Variants in HAS3 observed in about 807,000 individuals in gnomAD.
The protein encoded by HAS3 is HA synthase 3.
A neutral mutation model predicts 50.3 loss-of-function variants in HAS3; 27 were observed. The observed-to-expected ratio is 0.54, with a 90% confidence interval of 0.40 to 0.74. HAS3 has a LOEUF of 0.74. Among genes scored for constraint, HAS3 ranks in the 30% least tolerant of loss-of-function variants. HAS3 has a pLI of 0.00. For missense variants in HAS3, 517 were observed against 742.8 expected, an observed-to-expected ratio of 0.70 and a Z score of 3.53; for synonymous variants, 339 against 310.9, an observed-to-expected ratio of 1.09 and a Z score of -0.95.
chr16:69,104,640 C>T (rs919902563), upstream of HAS3, among the ~76,000 whole-genome samples: 2 of 152,042 alleles, frequency 1.3e-5, no homozygotes, highest in South Asian at 2.1e-4. Context: ...GGGGAAGTCT[C>T]GCTTTGTTGC....
chr16:69,103,002 C>CGTGTGTGTGT (rs1555531811), upstream of HAS3, among the ~76,000 whole-genome samples: 32 of 115,170 alleles, frequency 2.8e-4, no homozygotes, highest in Non-Finnish European at 5.3e-4. Flanking sequence ...GTGGAGTGTG[C>CGTGTGTGTGT]ATGTGTGTGT....
chr16:69,118,240 T>C, downstream of HAS3: 1 of 654,326 alleles, frequency 1.5e-6, no homozygotes, highest in Non-Finnish European at 2.8e-6. Flanking sequence ...GCCTTAAATC[T>C]GGCCACCTCT....
At chr16:69,103,477 C>T (rs1034266834), upstream of HAS3, among the ~76,000 whole-genome samples, 1 of 152,154 alleles carries the variant, frequency 6.6e-6, no homozygotes, top group Non-Finnish European at 1.5e-5. Context: ...CTCACTGCAA[C>T]CTCTGCTTCC....
At chr16:69,096,979 A>G in the HAS3 span, among the ~76,000 whole-genome samples, 1 of 151,916 alleles carries the variant, frequency 6.6e-6, no homozygotes, top group Non-Finnish European at 1.5e-5. Flanking sequence ...AAACATGGTG[A>G]AACCCCATCT....
chr16:69,086,671 G>C, the HAS3 span, among the ~76,000 whole-genome samples: 1 of 152,056 alleles, frequency 6.6e-6, no homozygotes, highest in Non-Finnish European at 1.5e-5. Context: ...TTGGGAGGCC[G>C]AAGTGGGCAG....
At chr16:69,112,947 T>C (rs1271938556) in intron 2 of HAS3, among the ~76,000 whole-genome samples, 1 of 152,190 alleles carries the variant, frequency 6.6e-6, no homozygotes, top group Non-Finnish European at 1.5e-5. Context: ...ACTGGTCTCA[T>C]AGAGGTGCCT....
At chr16:69,102,195 C>T (rs1020684042), upstream of HAS3, among the ~76,000 whole-genome samples, 1 of 152,204 alleles carries the variant, frequency 6.6e-6, no homozygotes, top group Non-Finnish European at 1.5e-5. Flanking sequence ...CAGAGCAGGG[C>T]TTCAGCGTTT....
At chr16:69,094,980 C>CTTTTTT in the HAS3 span, among the ~76,000 whole-genome samples, 5 of 124,930 alleles carry the variant, frequency 4.0e-5, no homozygotes, top group African/African-American at 9.3e-5. Flanking sequence ...CCATTGTTAA[C>CTTTTTT]TTTTTTTTTT....
rs2152254550 is a variant in HAS3, at chr16:69,106,967, C to T, written c.-1+1180C>T. 1 of 152,374 alleles carries T rather than the reference C, an allele frequency of 6.6e-6. No homozygotes were observed. Among genetic ancestry groups the T allele is most frequent in the South Asian group, 2.1e-4 (1 of 4,828 alleles). 9.4% of individuals were successfully genotyped at this position (152,374 alleles called of 1,614,324 possible). On this transcript the variant is annotated intron_variant, in intron 1 of 3. Coordinates refer to ENST00000569188, the MANE Select transcript of HAS3 (RefSeq NM_001199280.2). The surrounding 1 kb of genome is among the most constrained non-coding windows in gnomAD (Gnocchi z 5.5). ...GGAGGCTTGATGGAGAAGCGTGCGT[C>T]CTTGACTGGGGGTTCTCCTTCCGTA...
rs112768075 is a variant in HAS3 at position 69,117,322 on chromosome 16, G to A, written c.*2056G>A. 10 of 985,800 alleles carry A rather than the reference G, an allele frequency of 1.0e-5. No homozygotes were observed. Among genetic ancestry groups the A allele is most frequent in the Admixed American group, 1.2e-4 (2 of 16,278 alleles). The allele number at this position is 985,800 out of a possible 1,614,324, so 61.1% of individuals were successfully genotyped here. A position where few individuals can be genotyped will look rare whatever the true frequency, so the allele number is the denominator to read the frequency against. ...ATCAGCTCTGCCTTGCACTGTGGTC[G>A]TCAACTTTCCTCAAATCAAAAACAG... is the stretch of plus-strand genomic sequence containing the variant. On this transcript the variant is annotated 3_prime_UTR_variant, in exon 4 of 4. Transcript: ENST00000569188.
upstream of HAS3, among the ~76,000 whole-genome samples, chr16:69,104,759 G>A (rs904300851): frequency 8.5e-5 from 13 of 152,146 alleles, no homozygotes; most frequent in East Asian, 1.9e-3. Context: ...TGTAAGATGG[G>A]ATTGTGTGGA....
upstream of HAS3, among the ~76,000 whole-genome samples, chr16:69,103,754 A>T (rs532090823): frequency 2.8e-4 from 42 of 152,254 alleles, no homozygotes; most frequent in African/African-American, 9.6e-4. Context: ...TGAGTGCTCT[A>T]GAGGGATGGC....
chr16:69,083,511 C>G, the HAS3 span: 1 of 1,612,336 alleles, frequency 6.2e-7, no homozygotes, highest in South Asian at 1.1e-5. Context: ...TCAAGGATCT[C>G]TACCACCTGC....
rs1351933653 is a variant in HAS3, at chr16:69,111,739, G to GGGTCGT, written c.637-1699_637-1694dup. 5.3e-5 allele frequency among the ~76,000 whole-genome samples: 8 copies of GGGTCGT among 152,180 alleles called. No homozygotes were observed. In the South Asian group the frequency reaches 6.2e-4, roughly 12 times the overall value. On this transcript the variant is annotated intron_variant, in intron 2 of 3. Coordinates refer to ENST00000569188, the MANE Select transcript of HAS3 (RefSeq NM_001199280.2). ...GGCTGTTTTGACTGCAGTTCACCTGGGGTCGTGGGACCTTGTGAAACTTTC... is the reference window on the plus strand; with the variant it reads ...GGCTGTTTTGACTGCAGTTCACCTGGGGTCGTGGTCGTGGGACCTTGTGAAACTTTC...
the HAS3 span, among the ~76,000 whole-genome samples, chr16:69,098,068 G>C: frequency 6.6e-6 from 1 of 152,138 alleles, no homozygotes; most frequent in Non-Finnish European, 1.5e-5. Context: ...GATAGAGACT[G>C]CACCCCACCC....
chr16:69,098,296 G>T, the HAS3 span, among the ~76,000 whole-genome samples: 2 of 152,054 alleles, frequency 1.3e-5, no homozygotes, highest in Non-Finnish European at 2.9e-5. Flanking sequence ...GCGTGAACCC[G>T]GGAGGCAGAG....
chr16:69,109,925 T>G lies in HAS3; in HGVS notation c.530T>G (p.Val177Gly), dbSNP rs1424766432. The change falls in exon 2 of 4, where the codon GTG (valine) becomes GGG (glycine). Residue 177 changes from valine to glycine, a missense_variant. By Grantham distance (109) the Val-to-Gly change is moderately radical. Transcript: ENST00000569188. This position sits in a 1 kb window ranked among gnomAD's most constrained non-coding sequence, Gnocchi z 5.3. ...GAGGGCATGGACCGTGTGCGGGATGTGGTGCGGGCCAGCACCTTCTCGTGC... is the reference window on the plus strand; with the variant it reads ...GAGGGCATGGACCGTGTGCGGGATGGGGTGCGGGCCAGCACCTTCTCGTGC... ...LQEGMDRVRD[V>G]VRASTFSCIM... 6.2e-7 allele frequency: 1 copy of G among 1,613,950 alleles called. No homozygotes were observed. Among genetic ancestry groups the G allele is most frequent in the African/African-American group, 1.3e-5 (1 of 74,946 alleles).
rs1207970995 is a variant in HAS3, at chr16:69,115,058, C to G, written c.1454C>G (p.Ser485Cys). Residue 485 changes from serine (S) to cysteine (C), a missense_variant, in exon 4 of 4, where the codon TCC becomes TGC. Ser to Cys is a moderately radical substitution (Grantham distance 112). Coordinates refer to ENST00000569188, the MANE Select transcript of HAS3 (RefSeq NM_001199280.2). ...AACTTCATTGGCCTCATTCCTGTGT[C>G]CATCTGGGTGGCAGTTCTCCTGGGA... ...VVNFIGLIPV[S>C]IWVAVLLGGL... 4 of 1,613,888 alleles carry G rather than the reference C, an allele frequency of 2.5e-6. No individual in the cohort carries two copies. Among genetic ancestry groups the G allele is most frequent in the Non-Finnish European group, 3.4e-6 (4 of 1,179,926 alleles).
At position 69,114,606 on chromosome 16, in the gene HAS3, C is replaced by G. The variant is rs1961118938; in HGVS notation, c.1002C>G (p.Thr334=). ...GCCTTGGCTACCGAACTAAGTATAC[C>G]GCGCGCTCCAAGTGCCTCACAGAGA... ...VLSLGYRTKY[T]ARSKCLTETP... The change falls in exon 4 of 4, where the codon ACC becomes ACG. Residue 334 remains threonine (T), a synonymous_variant. Coordinates refer to ENST00000569188, the MANE Select transcript of HAS3 (RefSeq NM_001199280.2). The surrounding 1 kb of genome is among the most constrained non-coding windows in gnomAD (Gnocchi z 6.4). 1.2e-6 allele frequency: 2 copies of G among 1,614,034 alleles called. No individual in the cohort carries two copies. The highest frequency in any genetic ancestry group is 8.5e-7 in the Non-Finnish European group (1 of 1,180,016).
Sources: allele counts gnomAD v4.1 joint callset (sites outside exome capture counted in the v4.1 genomes callset), GRCh38; gene constraint gnomAD v4.1.1; non-coding constraint Gnocchi (gnomAD v3.1); transcripts MANE v1.5; gene names NCBI Gene and HGNC (gene_info 2026-07-23, HGNC 2026-07-21).